The following INPP4B variants were observed in gnomAD, a reference collection of about 807,000 sequenced individuals.
The protein encoded by INPP4B is inositol polyphosphate 4-phosphatase type II.
INPP4B carries 55 observed loss-of-function variants against 122.5 expected under a neutral mutation model. The observed-to-expected ratio is 0.45, with a 90% CI of 0.36 to 0.56. The LOEUF is 0.56. Among genes scored for constraint, INPP4B ranks in the 20% least tolerant of loss-of-function variants. INPP4B has a pLI of 0.00. For synonymous variants in INPP4B, 403 were observed against 388.7 expected (o/e 1.04, Z -0.43); for missense variants, 1,000 against 1,097.7 (o/e 0.91, Z 1.26).
intron 1 of INPP4B, among the ~76,000 whole-genome samples, chr4:142,768,899 A>G (rs1772576758): frequency 6.6e-6 from 1 of 152,108 alleles, no homozygotes; most frequent in Non-Finnish European, 1.5e-5. Context: ...CAAGGAAAGG[A>G]TTTGTTTTTT....
At chr4:142,634,697 TG>T (rs1748711172) in intron 2 of INPP4B, among the ~76,000 whole-genome samples, 1 of 152,150 alleles carries the variant, frequency 6.6e-6, no homozygotes, top group Non-Finnish European at 1.5e-5. Flanking sequence ...GAAAAAATTA[TG>T]TAAAATACCA....
chr4:142,716,180 G>A (rs1317328557), intron 2 of INPP4B, among the ~76,000 whole-genome samples: 3 of 152,190 alleles, frequency 2.0e-5, no homozygotes, highest in South Asian at 2.1e-4. Context: ...GGATGCCAAC[G>A]AGGTTCTGGA....
At chr4:142,642,187 A>G (rs1025824716) in intron 2 of INPP4B, among the ~76,000 whole-genome samples, 4 of 152,078 alleles carry the variant, frequency 2.6e-5, no homozygotes, top group Non-Finnish European at 5.9e-5. Context: ...AGATGAGTAG[A>G]TTGCAAAAAT....
At chr4:142,581,282 AC>A (rs1242851326) in intron 2 of INPP4B, among the ~76,000 whole-genome samples, 1 of 152,084 alleles carries the variant, frequency 6.6e-6, no homozygotes, top group Non-Finnish European at 1.5e-5. Context: ...TTTGTGCTAT[AC>A]AAGAAAAGCA....
intron 25 of INPP4B, among the ~76,000 whole-genome samples, chr4:142,055,694 C>T (rs1908922): frequency 2.9e-4 from 44 of 150,558 alleles, no homozygotes; most frequent in East Asian, 1.8e-3. Flanking sequence ...TCTACTAAAT[C>T]TTTTTTTTTT....
At chr4:142,204,022 G>C (rs555995678) in intron 14 of INPP4B, among the ~76,000 whole-genome samples, 17 of 152,140 alleles carry the variant, frequency 1.1e-4, no homozygotes, top group African/African-American at 3.6e-4. Flanking sequence ...ATAAAAGAAA[G>C]TAGAAAAATT....
chr4:142,443,567 C>A (rs1057073776), intron 3 of INPP4B, among the ~76,000 whole-genome samples: 1 of 152,172 alleles, frequency 6.6e-6, no homozygotes. Flanking sequence ...CCAAGAACAT[C>A]GGGCCTGTCT....
rs183102361 is a variant in INPP4B at position 142,692,958 on chromosome 4, T to C, written c.-191+32881A>G. Among the ~76,000 whole-genome samples the C allele has an allele frequency of 3.4e-4, 31 of 90,900 alleles. No homozygotes were observed. The East Asian group carries it at 7.4e-3, about 22-fold the overall frequency. 59.6% of individuals were successfully genotyped at this position (90,900 alleles called of 152,430 possible). A position where few individuals can be genotyped will look rare whatever the true frequency, so the allele number is the denominator to read the frequency against. ...AGATACATAGATACATAGATAGAGATAGACAGACAGACAGACACATACATA... is the reference window on the plus strand; with the variant it reads ...AGATACATAGATACATAGATAGAGACAGACAGACAGACAGACACATACATA... On this transcript the variant is annotated intron_variant, in intron 2 of 25. Transcript: ENST00000262992.
chr4:142,471,262 A>C (rs1448037222), intron 2 of INPP4B, among the ~76,000 whole-genome samples: 1 of 152,234 alleles, frequency 6.6e-6, no homozygotes, highest in East Asian at 1.9e-4. Flanking sequence ...CCTATCTCAC[A>C]GTAAGTGTTC....
intron 2 of INPP4B, among the ~76,000 whole-genome samples, chr4:142,625,780 C>T (rs1225135430): frequency 1.3e-5 from 2 of 152,086 alleles, no homozygotes; most frequent in Non-Finnish European, 2.9e-5. Flanking sequence ...GGTACCAAAA[C>T]AGAGATATAG....
At position 142,557,660 on chromosome 4, in the gene INPP4B, G is replaced by A. The variant is rs374563372; in HGVS notation, c.-190-94934C>T. On this transcript the variant is annotated intron_variant, in intron 2 of 25. Coordinates refer to ENST00000262992, the MANE Select transcript of INPP4B (RefSeq NM_001101669.3). ...TGGTAAACATTAACCCCAACATGTC[G>A]GAAGTTGTTATAGATATCTAAAAAA... is the stretch of plus-strand genomic sequence containing the variant. 3.8e-4 allele frequency among the ~76,000 whole-genome samples: 58 copies of A among 152,192 alleles called. No individual in the cohort carries two copies. The South Asian group carries it at 0.011, about 30-fold the overall frequency.
chr4:142,309,487 G>A (rs577703889), intron 8 of INPP4B, among the ~76,000 whole-genome samples: 47 of 152,008 alleles, frequency 3.1e-4, no homozygotes, highest in South Asian at 1.2e-3. Flanking sequence ...AGAACCTTAA[G>A]GATTAAGGCC....
At chr4:142,349,770 C>A (rs1047701363) in intron 7 of INPP4B, among the ~76,000 whole-genome samples, 5 of 151,746 alleles carry the variant, frequency 3.3e-5, no homozygotes, top group Admixed American at 6.6e-5. Flanking sequence ...CTTTCCCTCC[C>A]CAAGAATCAA....
intron 23 of INPP4B, among the ~76,000 whole-genome samples, chr4:142,103,738 A>T (rs1255280712): frequency 2.0e-5 from 3 of 152,078 alleles, no homozygotes; most frequent in South Asian, 2.1e-4. Context: ...AGACTTTTGC[A>T]CATAATATTA....
chr4:142,234,012 C>T (rs2149895949), intron 12 of INPP4B, among the ~76,000 whole-genome samples: 1 of 152,188 alleles, frequency 6.6e-6, no homozygotes, highest in Non-Finnish European at 1.5e-5. Flanking sequence ...CTTTTTCTCT[C>T]AGAAATCAGC....
intron 2 of INPP4B, among the ~76,000 whole-genome samples, chr4:142,678,548 C>T (rs544963457): frequency 6.6e-6 from 1 of 151,884 alleles, no homozygotes; most frequent in South Asian, 2.1e-4. Context: ...TATTTTGGCT[C>T]TGAAAGACTA....
At chr4:142,398,200 C>A (rs1309114921) in intron 7 of INPP4B, among the ~76,000 whole-genome samples, 2 of 150,520 alleles carry the variant, frequency 1.3e-5, no homozygotes, top group Non-Finnish European at 3.0e-5. Context: ...ACGGTGAAAC[C>A]CCGTCTCTAC....
chr4:142,669,422 G>T (rs1197137168), intron 2 of INPP4B, among the ~76,000 whole-genome samples: 1 of 152,082 alleles, frequency 6.6e-6, no homozygotes, highest in Non-Finnish European at 1.5e-5. Flanking sequence ...TATGCTGCAA[G>T]CCTGTAGTAA....
Position 142,817,380 on chromosome 4 carries a change from G to A in INPP4B, c.-254+28829C>T, listed in dbSNP as rs550468585. Among the ~76,000 whole-genome samples the A allele has an allele frequency of 3.9e-5, 6 of 152,180 alleles. No individual in the cohort carries two copies. The East Asian group carries it at 1.2e-3, about 29-fold the overall frequency. ...GAGTTTCCATCAGACAAGTGAGCAG[G>A]CCACTCAAAGCCTCTTCAGCCCCCT... On this transcript the variant is annotated intron_variant, in intron 1 of 25. Transcript: ENST00000262992.
Sources: allele counts gnomAD v4.1 joint callset (sites outside exome capture counted in the v4.1 genomes callset), GRCh38; gene constraint gnomAD v4.1.1; transcripts MANE v1.5; gene names NCBI Gene and HGNC (gene_info 2026-07-23, HGNC 2026-07-21).